LSM14A: variants seen among roughly 807,000 people sequenced by gnomAD.
LSM14A encodes protein LSM14 homolog A.
Under a neutral mutation model 52.4 loss-of-function variants are expected in LSM14A, and 14 were observed. That is an observed-to-expected ratio of 0.27 (90% CI 0.18 to 0.42). The LOEUF is 0.42. LSM14A is among the 10% of genes least tolerant of loss of function. LSM14A has a pLI of 1.00. For synonymous variants in LSM14A, 185 were observed against 200.3 expected (o/e 0.92, Z 0.64); for missense variants, 417 against 581.8 (o/e 0.72, Z 2.91).
In LSM14A at chr19:34,191,254, G is replaced by A. The variant is rs536545991; in HGVS notation, c.122-3224G>A. On this transcript the variant is annotated intron_variant, in intron 1 of 9. Coordinates refer to ENST00000544216, the MANE Select transcript of LSM14A (RefSeq NM_015578.4). The stretch of plus-strand genomic sequence containing the variant: ...TGTTGTTTTGATCATAAAAGTCTAT[G>A]CTATCTGTTTTTCTTGTGAATGTCG... 4.6e-5 allele frequency among the ~76,000 whole-genome samples: 7 copies of A among 152,014 alleles called. No individual in the cohort carries two copies. The East Asian group carries it at 1.4e-3, about 29-fold the overall frequency.
At chr19:34,204,508 T>C (rs2071537192) in intron 3 of LSM14A, among the ~76,000 whole-genome samples, 1 of 149,164 alleles carries the variant, frequency 6.7e-6, no homozygotes, top group African/African-American at 2.5e-5. Context: ...GGCCAGGAGT[T>C]CAAGACCAGC....
rs1199990469 is a variant in LSM14A, at chr19:34,228,901, A to T, written c.*1513A>T. ...CAGTGTTTTGTAATTTGGTTTCATTATGAAGATCCAGTACTTGGCAGCCAT... is the reference window on the plus strand; with the variant it reads ...CAGTGTTTTGTAATTTGGTTTCATTTTGAAGATCCAGTACTTGGCAGCCAT... On this transcript the variant is annotated 3_prime_UTR_variant, in exon 10 of 10. Coordinates refer to ENST00000544216, the MANE Select transcript of LSM14A (RefSeq NM_015578.4). The T allele has an allele frequency of 1.3e-5, 2 of 152,618 alleles. No individual in the cohort carries two copies. Among genetic ancestry groups the T allele is most frequent in the East Asian group, 1.9e-4 (1 of 5,200 alleles). The allele number at this position is 152,618 out of a possible 1,614,324, so 9.5% of individuals were successfully genotyped here. A position where few individuals can be genotyped will look rare whatever the true frequency, so the allele number is the denominator to read the frequency against.
At chr19:34,181,955 T>C (rs1157367178) in intron 1 of LSM14A, among the ~76,000 whole-genome samples, 2 of 152,176 alleles carry the variant, frequency 1.3e-5, no homozygotes, top group Non-Finnish European at 1.5e-5. Context: ...AGCTCTATTC[T>C]AGTTGGTAAG....
intron 8 of LSM14A, 98 bp downstream of exon 8, chr19:34,219,975 GT>G (rs2072942605): frequency 1.2e-6 from 1 of 840,716 alleles, no homozygotes; most frequent in Admixed American, 2.5e-5. Context: ...TACCATAATT[GT>G]TTTGTTTTGT....
intron 1 of LSM14A, among the ~76,000 whole-genome samples, chr19:34,191,929 A>G (rs902534032): frequency 1.3e-5 from 2 of 152,194 alleles, no homozygotes; most frequent in African/African-American, 4.8e-5. Context: ...CTGTTTGGCC[A>G]TCAGAGAAAG....
Position 34,172,600 on chromosome 19 carries a change from A to T in LSM14A, c.-43A>T. 2.0e-6 allele frequency: 3 copies of T among 1,524,564 alleles called. No individual in the cohort carries two copies. Among genetic ancestry groups the T allele is most frequent in the Non-Finnish European group, 2.6e-6 (3 of 1,137,896 alleles). 94.4% of individuals were successfully genotyped at this position (1,524,564 alleles called of 1,614,324 possible). ...GCGGAGCGGGCGACAGTGGCGTGGGATCTGCCTCTCTGCGAGCAGCTGGGA... is the reference window on the plus strand; with the variant it reads ...GCGGAGCGGGCGACAGTGGCGTGGGTTCTGCCTCTCTGCGAGCAGCTGGGA... On this transcript the variant is annotated 5_prime_UTR_variant, in exon 1 of 10. Coordinates refer to ENST00000544216, the MANE Select transcript of LSM14A (RefSeq NM_015578.4).
rs140462546 is a variant in LSM14A, at chr19:34,215,210, C to G, written c.625C>G (p.Pro209Ala). The change falls in exon 5 of 10, where the codon CCA becomes GCA. Residue 209 changes from proline to alanine, a missense_variant. Pro to Ala is a conservative substitution (Grantham distance 27, BLOSUM62 -1). Around this residue, in one of 2 missense-constraint regions of LSM14A, gnomAD observed 357 missense variants for 457.0 expected, o/e 0.78. Transcript: ENST00000544216. ...VQTASAHLPA[P>A]AAVGRRSPVS... Reference sequence around the variant, plus strand: ...GACCGCCTCAGCCCACTTACCTGCTCCAGCAGCTGTTGGGAGAAGGAGTCC... The same window carrying G: ...GACCGCCTCAGCCCACTTACCTGCTGCAGCAGCTGTTGGGAGAAGGAGTCC... 3 of 1,614,054 alleles carry G rather than the reference C, an allele frequency of 1.9e-6. No individual in the cohort carries two copies. In the African/African-American group the frequency reaches 4.0e-5, roughly 22 times the overall value.
Position 34,175,377 on chromosome 19 carries a change from C to T in LSM14A, c.121+2614C>T, listed in dbSNP as rs189772031. On this transcript the variant is annotated intron_variant, in intron 1 of 9. Coordinates refer to ENST00000544216, the MANE Select transcript of LSM14A (RefSeq NM_015578.4). ...TCCTGAGTAGCTGGGATTACTGGCG[C>T]GTGCCACCACGCTTGGCTAATTTTT... is the stretch of plus-strand genomic sequence containing the variant. 3.3e-5 allele frequency among the ~76,000 whole-genome samples: 5 copies of T among 152,170 alleles called. No homozygotes were observed. In the East Asian group the frequency reaches 5.8e-4, roughly 18 times the overall value.
At position 34,215,117 on chromosome 19, in the gene LSM14A, A is replaced by G. The variant is rs1294303372; in HGVS notation, c.539-7A>G. The G allele has an allele frequency of 3.1e-6, 5 of 1,600,924 alleles. No homozygotes were observed. Among genetic ancestry groups the G allele is most frequent in the African/African-American group, 1.3e-5 (1 of 74,176 alleles). On this transcript the variant is annotated splice_polypyrimidine_tract_variant and splice_region_variant and intron_variant, in intron 4 of 9. Transcript: ENST00000544216. ...GGGTAGTTTGTTATCTTTTGGTTAC[A>G]TTTTAGGTCGCTCAAGCCCTCAGTT...
intron 1 of LSM14A, among the ~76,000 whole-genome samples, chr19:34,174,300 G>A (rs188718651): frequency 2.6e-5 from 4 of 152,358 alleles, no homozygotes; most frequent in African/African-American, 4.8e-5. Flanking sequence ...TTATACCTGG[G>A]TAGGGAACCT....
intron 3 of LSM14A, among the ~76,000 whole-genome samples, chr19:34,199,524 C>T (rs374238736): frequency 3.3e-5 from 5 of 151,912 alleles, no homozygotes; most frequent in East Asian, 1.9e-4. Context: ...ACCATGGAGA[C>T]GGAAGATATA....
At chr19:34,192,387 G>A (rs533778539) in intron 1 of LSM14A, among the ~76,000 whole-genome samples, 6 of 132,852 alleles carry the variant, frequency 4.5e-5, no homozygotes, top group Admixed American at 8.4e-5. Flanking sequence ...GTGCAGGAGC[G>A]CCATCTTGGC....
At chr19:34,196,211 A>G (rs1555768797) in intron 2 of LSM14A, among the ~76,000 whole-genome samples, 1 of 152,192 alleles carries the variant, frequency 6.6e-6, no homozygotes, top group Non-Finnish European at 1.5e-5. Flanking sequence ...ACGTCTGTGA[A>G]TTTAATAGTA....
chr19:34,226,290 G>A, intron 9 of LSM14A: 1 of 1,026,086 alleles, frequency 9.7e-7, no homozygotes, highest in East Asian at 2.7e-5. Flanking sequence ...AGACAACAAG[G>A]TGTCTGAATG....
chr19:34,195,073 A>AAC (rs1193981902), intron 2 of LSM14A: 15 of 179,662 alleles, frequency 8.3e-5, no homozygotes. Context: ...TTATATTGCA[A>AAC]ACCAAGGCAA....
At chr19:34,183,876 A>G (rs1269905139) in intron 1 of LSM14A, among the ~76,000 whole-genome samples, 4 of 152,238 alleles carry the variant, frequency 2.6e-5, no homozygotes, top group East Asian at 3.9e-4. Context: ...ACAATACTAT[A>G]AAATTCACCC....
rs943934993 is a variant in LSM14A, at chr19:34,219,319, C to A, written c.782-72C>A. ...TGTTGACTGTTGAATCTAAAGAGCA[C>A]AATAGCAACATCTGTGCTAAACCAG... On this transcript the variant is annotated intron_variant, in intron 6 of 9. Transcript: ENST00000544216. 9.1e-6 allele frequency: 9 copies of A among 992,578 alleles called. No individual in the cohort carries two copies. The African/African-American group carries it at 9.8e-5, about 11-fold the overall frequency. The allele number at this position is 992,578 out of a possible 1,614,324, so 61.5% of individuals were successfully genotyped here.
At chr19:34,195,539 C>T (rs1260143793) in intron 2 of LSM14A, among the ~76,000 whole-genome samples, 1 of 152,162 alleles carries the variant, frequency 6.6e-6, no homozygotes, top group African/African-American at 2.4e-5. Context: ...TAGATCAGCT[C>T]TTAAATCTCC....
At chr19:34,177,150 T>C (rs978791903) in intron 1 of LSM14A, among the ~76,000 whole-genome samples, 1 of 152,204 alleles carries the variant, frequency 6.6e-6, no homozygotes, top group African/African-American at 2.4e-5. Context: ...ATATCTCCAT[T>C]GTTGGATGTA....
Sources: allele counts gnomAD v4.1 joint callset (sites outside exome capture counted in the v4.1 genomes callset), GRCh38; gene constraint gnomAD v4.1.1; regional missense constraint gnomAD v4.1.1; transcripts MANE v1.5; gene names NCBI Gene and HGNC (gene_info 2026-07-23, HGNC 2026-07-21).